TRAPPC9: variants seen among roughly 807,000 people sequenced by gnomAD.
TRAPPC9 encodes the protein IKK2 binding protein.
In TRAPPC9, 83 loss-of-function variants were observed where a neutral mutation model predicts 124.0. The observed-to-expected ratio is 0.67, with a 90% confidence interval of 0.56 to 0.80. The LOEUF is 0.80. Ranked by LOEUF, TRAPPC9 falls within the 30% of genes least tolerant of loss-of-function variation. TRAPPC9 has a pLI of 0.00. For synonymous variants in TRAPPC9, 638 were observed against 617.5 expected (o/e 1.03, Z -0.49); for missense variants, 1,302 against 1,508.3 (o/e 0.86, Z 2.27).
chr8:139,900,410 C>T (rs907521094), intron 20 of TRAPPC9, among the ~76,000 whole-genome samples: 43 of 152,234 alleles, frequency 2.8e-4, no homozygotes, highest in Non-Finnish European at 3.2e-4. Context: ...CTGCAGAGCA[C>T]GCATCCTGTC....
At chr8:139,778,807 C>A (rs1821572479) in intron 21 of TRAPPC9, among the ~76,000 whole-genome samples, 1 of 152,050 alleles carries the variant, frequency 6.6e-6, no homozygotes, top group Non-Finnish European at 1.5e-5. Context: ...ACAGCTGTAA[C>A]TGGAGACCTC....
chr8:140,389,687 G>A (rs1456052597), intron 7 of TRAPPC9, among the ~76,000 whole-genome samples: 3 of 152,094 alleles, frequency 2.0e-5, no homozygotes, highest in Non-Finnish European at 2.9e-5. Flanking sequence ...ATTCAGCTCA[G>A]CTCTAAGGTA....
chr8:140,292,606 T>A (rs575697680), intron 11 of TRAPPC9, among the ~76,000 whole-genome samples: 1 of 152,332 alleles, frequency 6.6e-6, no homozygotes, highest in Admixed American at 6.5e-5. Context: ...GCTGGCATGT[T>A]GACATTGCAT....
At chr8:139,734,432 G>A (rs953858496) in intron 21 of TRAPPC9, among the ~76,000 whole-genome samples, 1 of 152,204 alleles carries the variant, frequency 6.6e-6, no homozygotes. Context: ...AGTGACTGAT[G>A]CACACCTTTT....
intron 15 of TRAPPC9, among the ~76,000 whole-genome samples, chr8:140,273,348 T>C (rs1466416100): frequency 1.3e-5 from 2 of 152,236 alleles, no homozygotes; most frequent in African/African-American, 4.8e-5. Context: ...ATTCTTTCTG[T>C]TCTGGTGTGG....
intron 7 of TRAPPC9, among the ~76,000 whole-genome samples, chr8:140,396,138 C>CATT (rs760056077): frequency 1.2e-5 from 1 of 83,358 alleles, no homozygotes; most frequent in Non-Finnish European, 2.1e-5. Context: ...AAGACCTTGC[C>CATT]TTTTTTTTTT....
intron 21 of TRAPPC9, among the ~76,000 whole-genome samples, chr8:139,820,145 C>G (rs1242903291): frequency 6.6e-6 from 1 of 151,720 alleles, no homozygotes; most frequent in Non-Finnish European, 1.5e-5. Context: ...AAAGAAAACT[C>G]TTAAAATGGA....
At chr8:140,151,883 T>G (rs778927997) in intron 17 of TRAPPC9, among the ~76,000 whole-genome samples, 2 of 152,154 alleles carry the variant, frequency 1.3e-5, no homozygotes, top group African/African-American at 4.8e-5. Flanking sequence ...CTCCTACTTC[T>G]AGATGTGATG....
chr8:139,859,184 G>A (rs776621215), intron 21 of TRAPPC9, among the ~76,000 whole-genome samples: 16 of 151,728 alleles, frequency 1.1e-4, no homozygotes, highest in Non-Finnish European at 2.1e-4. Flanking sequence ...GCTGTGCACC[G>A]AGCTGCCTGC....
chr8:140,445,558 C>A (rs1250671479), intron 2 of TRAPPC9, among the ~76,000 whole-genome samples: 1 of 152,150 alleles, frequency 6.6e-6, no homozygotes. Flanking sequence ...CCAGGCTGTC[C>A]CCATGGATCC....
rs1490024204 is a variant in TRAPPC9 at position 140,336,141 on chromosome 8, C to A, written c.1495+23909G>T. Among the ~76,000 whole-genome samples the A allele has an allele frequency of 2.6e-5, 4 of 151,958 alleles. No individual in the cohort carries two copies. In the East Asian group the frequency reaches 5.8e-4, roughly 22 times the overall value. On this transcript the variant is annotated intron_variant, in intron 9 of 22. Coordinates refer to ENST00000438773, the MANE Select transcript of TRAPPC9 (RefSeq NM_001160372.4). ...TTCATAATTTTTGAAACCAAAATTTCTTTTCCATCTGCTCAGTTTTCTCCC... is the reference window on the plus strand; with the variant it reads ...TTCATAATTTTTGAAACCAAAATTTATTTTCCATCTGCTCAGTTTTCTCCC...
At chr8:140,058,382 G>A (rs1210998367) in intron 17 of TRAPPC9, among the ~76,000 whole-genome samples, 1 of 152,178 alleles carries the variant, frequency 6.6e-6, no homozygotes, top group Non-Finnish European at 1.5e-5. Context: ...TTCTCTGCAT[G>A]AGAACACAGC....
intron 7 of TRAPPC9, among the ~76,000 whole-genome samples, chr8:140,392,832 G>A (rs1208376190): frequency 6.6e-6 from 1 of 152,180 alleles, no homozygotes; most frequent in Non-Finnish European, 1.5e-5. Flanking sequence ...TCACAAGCCT[G>A]TAAACTGTCT....
intron 21 of TRAPPC9, among the ~76,000 whole-genome samples, chr8:139,764,110 G>A (rs530566585): frequency 1.3e-5 from 2 of 152,336 alleles, no homozygotes; most frequent in South Asian, 4.1e-4. Context: ...CAAGTACGGT[G>A]AGGGCACAGG....
chr8:140,227,688 T>C (rs1339122031), intron 16 of TRAPPC9, among the ~76,000 whole-genome samples: 1 of 151,620 alleles, frequency 6.6e-6, no homozygotes, highest in Non-Finnish European at 1.5e-5. Context: ...AAAAGCAGAG[T>C]CACAATAAAA....
chr8:139,801,650 G>A (rs985539792), intron 21 of TRAPPC9, among the ~76,000 whole-genome samples: 10 of 152,218 alleles, frequency 6.6e-5, no homozygotes, highest in African/African-American at 2.4e-4. Context: ...TCCTGTTCCA[G>A]CCAGGAGGCA....
chr8:139,798,113 T>G (rs934302010), intron 21 of TRAPPC9, among the ~76,000 whole-genome samples: 15 of 152,338 alleles, frequency 9.8e-5, no homozygotes, highest in African/African-American at 3.6e-4. Context: ...CTTAACAAAA[T>G]TAAGTCTTCC....
intron 21 of TRAPPC9, among the ~76,000 whole-genome samples, chr8:139,861,027 T>A (rs1828105844): frequency 6.6e-6 from 1 of 152,248 alleles, no homozygotes; most frequent in Non-Finnish European, 1.5e-5. Flanking sequence ...ACAGCAGCCC[T>A]TCTATATTTT....
chr8:140,002,675 C>T lies in TRAPPC9; in HGVS notation c.2700-13839G>A, dbSNP rs764087052. 7.9e-5 allele frequency among the ~76,000 whole-genome samples: 12 copies of T among 151,792 alleles called. No individual in the cohort carries two copies. The South Asian group carries it at 1.5e-3, about 18-fold the overall frequency. ...CTACAAGGTACACTAATCAGGACAG[C>T]GTTGTACTGGTGAAAGAATATCCAC... is the stretch of plus-strand genomic sequence containing the variant. On this transcript the variant is annotated intron_variant, in intron 18 of 22. Coordinates refer to ENST00000438773, the MANE Select transcript of TRAPPC9 (RefSeq NM_001160372.4).
Sources: gnomAD v4.1 joint callset for allele counts (sites outside exome capture counted in the v4.1 genomes callset) on GRCh38, gnomAD v4.1.1 for gene constraint, MANE v1.5 for transcripts, NCBI Gene and HGNC (gene_info 2026-07-23, HGNC 2026-07-21) for gene names.